POLN: variants seen among roughly 807,000 people sequenced by gnomAD.
POLN encodes the protein DNA polymerase N.
In POLN, 108 loss-of-function variants were observed where a neutral mutation model predicts 113.5. The observed-to-expected ratio is 0.95, with a 90% confidence interval of 0.81 to 1.12. The LOEUF is 1.12. Among genes scored for constraint, POLN ranks in the 50% most tolerant of loss-of-function variants. The pLI is 0.00. For missense variants in POLN, 1,097 were observed against 1,077.1 expected, an observed-to-expected ratio of 1.02 and a Z score of -0.26; for synonymous variants, 386 against 391.5, an observed-to-expected ratio of 0.99 and a Z score of 0.17.
intron 19 of POLN, among the ~76,000 whole-genome samples, chr4:2,116,386 C>T (rs955385155): frequency 2.6e-5 from 4 of 152,138 alleles, no homozygotes; most frequent in Non-Finnish European, 5.9e-5. Flanking sequence ...AAAAGCTCAT[C>T]GCTTTCTGGA....
At chr4:2,148,893 G>A (rs974454149) in intron 16 of POLN, among the ~76,000 whole-genome samples, 2 of 152,170 alleles carry the variant, frequency 1.3e-5, no homozygotes, top group African/African-American at 4.8e-5. Context: ...AACAATGTGA[G>A]AAGAAAGTAA....
intron 7 of POLN, among the ~76,000 whole-genome samples, chr4:2,188,874 G>T (rs980517035): frequency 1.3e-5 from 2 of 152,282 alleles, no homozygotes; most frequent in South Asian, 4.1e-4. Flanking sequence ...GTCAAAATGT[G>T]TGTAGGGGGT....
Position 2,174,976 on chromosome 4 carries a change from C to A in POLN, c.1249-225G>T, listed in dbSNP as rs146853320. ...TAGGTAGGACTACAGGCACCCCCCA[C>A]CATGCCAGGCTAATTTTAAAAATTT... is the stretch of plus-strand genomic sequence containing the variant. On this transcript the variant is annotated intron_variant, in intron 9 of 25. Transcript: ENST00000511885. 8.1e-3 allele frequency among the ~76,000 whole-genome samples: 1,236 copies of A among 152,142 alleles called. 12 individuals carry two copies. Among genetic ancestry groups the A allele is most frequent in the South Asian group, 9.8e-3 (47 of 4,820 alleles).
At chr4:2,120,951 C>A (rs1037994638) in intron 19 of POLN, among the ~76,000 whole-genome samples, 6 of 152,282 alleles carry the variant, frequency 3.9e-5, no homozygotes, top group African/African-American at 9.6e-5. Context: ...AAAAACAATT[C>A]TTTTTGTCTG....
chr4:2,113,360 C>G (rs984721557), intron 19 of POLN, among the ~76,000 whole-genome samples: 1 of 151,644 alleles, frequency 6.6e-6, no homozygotes, highest in Non-Finnish European at 1.5e-5. Context: ...ACATTGTGCA[C>G]ATGTACCCTA....
chr4:2,177,209 C>T lies in POLN; in HGVS notation c.1180-875G>A, dbSNP rs1577743844. The T allele has an allele frequency of 1.2e-5, 5 of 417,356 alleles. No homozygotes were observed. The East Asian group carries it at 3.2e-4, about 26-fold the overall frequency. The allele number at this position is 417,356 out of a possible 1,614,324, so 25.9% of individuals were successfully genotyped here. A position where few individuals can be genotyped will look rare whatever the true frequency, so the allele number is the denominator to read the frequency against. ...GACCATGTGACTCCTAGTTTGAATA[C>T]CCCCAGGACAGGCCCAGCTCCCTGG... On this transcript the variant is annotated intron_variant, in intron 8 of 25. Transcript: ENST00000511885.
At position 2,193,214 on chromosome 4, in the gene POLN, A is replaced by G; in HGVS notation, c.1011T>C (p.Ser337=). The G allele has an allele frequency of 1.9e-6, 3 of 1,596,998 alleles. No individual in the cohort carries two copies. The South Asian group carries it at 3.3e-5, about 18-fold the overall frequency. Residue 337 remains serine, a synonymous_variant, in exon 7 of 26, where the codon AGT becomes AGC. Coordinates refer to ENST00000511885, the MANE Select transcript of POLN (RefSeq NM_181808.4). ...IVLQFFGNDG[S]WKHVADFIGL... is the part of the protein sequence containing the mutation. Reference sequence around the variant, plus strand: ...AAAAATATAACTTACCATGCTTCCAACTGCCATCATTGCCAAAAAACTGCA... The same window carrying G: ...AAAAATATAACTTACCATGCTTCCAGCTGCCATCATTGCCAAAAAACTGCA...
intron 23 of POLN, chr4:2,080,642 T>G (rs1577678996): frequency 7.9e-7 from 1 of 1,269,094 alleles, no homozygotes; most frequent in South Asian, 1.6e-5. Flanking sequence ...GGCTGAGGGG[T>G]TCGCCTGCCT....
At chr4:2,080,724 C>G in intron 23 of POLN, 1 of 1,414,800 alleles carries the variant, frequency 7.1e-7, no homozygotes. Flanking sequence ...CTGGGGGAGA[C>G]AGCATTTCTG....
In POLN at chr4:2,126,608, G is replaced by A. The variant is rs535760688; in HGVS notation, c.1982+1505C>T. On this transcript the variant is annotated intron_variant, in intron 19 of 25. Transcript: ENST00000511885. This position sits in a 1 kb window ranked among gnomAD's most constrained non-coding sequence, Gnocchi z 4.6. ...CCAGAGAGAAGCGGAGACCAGAGAG[G>A]AGTGGAGACCAGAGAGGAGTGGAGA... Among the ~76,000 whole-genome samples, 1 of 151,892 alleles carries A rather than the reference G, an allele frequency of 6.6e-6. No homozygotes were observed. The highest frequency in any genetic ancestry group is 6.6e-5 in the Admixed American group (1 of 15,260).
chr4:2,105,728 T>C (rs935584803), intron 19 of POLN, among the ~76,000 whole-genome samples: 7 of 152,040 alleles, frequency 4.6e-5, no homozygotes, highest in African/African-American at 1.7e-4. Context: ...GCATCCTCTC[T>C]GACTCACCAC....
chr4:2,106,796 T>C (rs893367704), intron 19 of POLN, among the ~76,000 whole-genome samples: 1 of 152,190 alleles, frequency 6.6e-6, no homozygotes, highest in Admixed American at 6.5e-5. Context: ...ACTGTGACTT[T>C]AACATTAATA....
At position 2,208,138 on chromosome 4, in the gene POLN, C is replaced by G; in HGVS notation, c.563G>C (p.Gly188Ala). 1 of 1,614,156 alleles carries G rather than the reference C, an allele frequency of 6.2e-7. No individual in the cohort carries two copies. Among genetic ancestry groups the G allele is most frequent in the Non-Finnish European group, 8.5e-7 (1 of 1,180,020 alleles). ...ATGTTTTTTCAATGCTCCTGAGTTC[C>G]CAGAATTTAGGTAGCCTTCGGCGTC... ...TDDAEGYLNS[G>A]NSGALKKHFC... Residue 188 changes from glycine to alanine, a missense_variant, in exon 5 of 26, where the codon GGG becomes GCG. Transcript: ENST00000511885.
intron 24 of POLN, among the ~76,000 whole-genome samples, chr4:2,074,433 C>A (rs1730228614): frequency 6.6e-6 from 1 of 152,226 alleles, no homozygotes. Context: ...GGAAGCTGCT[C>A]CCGGGAACAA....
intron 7 of POLN, among the ~76,000 whole-genome samples, chr4:2,180,595 T>C (rs1733114612): frequency 6.6e-6 from 1 of 152,210 alleles, no homozygotes; most frequent in African/African-American, 2.4e-5. Flanking sequence ...GAGGAGCACA[T>C]GTCTCCGTCA....
intron 21 of POLN, 41 bp downstream of exon 21, chr4:2,085,572 G>C: frequency 6.2e-7 from 1 of 1,610,322 alleles, no homozygotes; most frequent in Non-Finnish European, 8.5e-7. Flanking sequence ...TCCCACAGAG[G>C]GTTGGCAGGG....
At chr4:2,219,562 C>T (rs1160843482) in intron 3 of POLN, among the ~76,000 whole-genome samples, 1 of 152,208 alleles carries the variant, frequency 6.6e-6, no homozygotes, top group African/African-American at 2.4e-5. Context: ...CTCCTATTAT[C>T]AGCCCTGGTC....
intron 7 of POLN, among the ~76,000 whole-genome samples, chr4:2,186,137 G>A (rs1197020119): frequency 6.6e-6 from 1 of 152,144 alleles, no homozygotes; most frequent in Non-Finnish European, 1.5e-5. Context: ...CACCAAACAT[G>A]TAGAAAAACT....
chr4:2,192,300 T>G (rs1300209067), intron 7 of POLN, among the ~76,000 whole-genome samples: 1 of 151,984 alleles, frequency 6.6e-6, no homozygotes, highest in African/African-American at 2.4e-5. Flanking sequence ...CCACCTAGAT[T>G]CTACAATGAA....
Sources: gnomAD v4.1 joint callset for allele counts (sites outside exome capture counted in the v4.1 genomes callset) on GRCh38, gnomAD v4.1.1 for gene constraint, Gnocchi (gnomAD v3.1) non-coding constraint, MANE v1.5 for transcripts, NCBI Gene and HGNC (gene_info 2026-07-23, HGNC 2026-07-21) for gene names.